SRGAP2B: variants seen among roughly 807,000 people sequenced by gnomAD.
SRGAP2B encodes the protein SLIT-ROBO Rho GTPase-activating protein 2B.
SRGAP2B carries 9 observed loss-of-function variants against 22.2 expected under a neutral mutation model. That is an observed-to-expected ratio of 0.41 (90% CI 0.24 to 0.71). SRGAP2B has a LOEUF of 0.71. Ranked by LOEUF, SRGAP2B falls within the 30% of genes least tolerant of loss-of-function variation. The probability of loss-of-function intolerance (pLI) is 0.35; values close to 1 mark genes in which losing one functional copy is unlikely to be tolerated. For synonymous variants in SRGAP2B, 36 were observed against 87.4 expected (o/e 0.41, Z 3.28); for missense variants, 114 against 235.8 (o/e 0.48, Z 3.38).
At chr1:144,914,100 C>A (rs1429040167) in intron 5 of SRGAP2B, among the ~76,000 whole-genome samples, 1 of 151,188 alleles carries the variant, frequency 6.6e-6, no homozygotes, top group Non-Finnish European at 1.5e-5. Context: ...CATCTCAGAA[C>A]AGATTGTGTT....
At chr1:145,000,070 G>A (rs587670627) in intron 2 of SRGAP2B, among the ~76,000 whole-genome samples, 7 of 143,962 alleles carry the variant, frequency 4.9e-5, no homozygotes, top group Non-Finnish European at 9.1e-5. Flanking sequence ...AAGGAGGAAC[G>A]GATTCTTGGT....
intron 2 of SRGAP2B, among the ~76,000 whole-genome samples, chr1:145,041,075 GTATATATATATATATATATATA>G (rs370443273): frequency 2.6e-5 from 2 of 76,474 alleles, no homozygotes; most frequent in East Asian, 4.1e-4. Flanking sequence ...TATATATATA[GTATATATATATATATATATATA>G]TATATATATA....
At chr1:145,007,802 C>CT (rs880001624) in intron 2 of SRGAP2B, among the ~76,000 whole-genome samples, 4,408 of 101,172 alleles carry the variant, frequency 0.044, 236 homozygotes, top group African/African-American at 0.11. Context: ...ATTTCTTCTT[C>CT]TTTTTTTTTT....
Position 144,965,054 on chromosome 1 carries a change from G to A in SRGAP2B, c.261-9453C>T, listed in dbSNP as rs1231388499. 65 of 1,120,752 alleles carry A rather than the reference G, an allele frequency of 5.8e-5. 1 individual carries two copies. The highest frequency in any genetic ancestry group is 8.0e-5 in the Non-Finnish European group (59 of 736,128). The allele number at this position is 1,120,752 out of a possible 1,614,324, so 69.4% of individuals were successfully genotyped here. ...ATAATCTCAGTGATACCTTGAAGAAGCTGAAGATAACAGCTGTTGACAAGA... is the reference window on the plus strand; with the variant it reads ...ATAATCTCAGTGATACCTTGAAGAAACTGAAGATAACAGCTGTTGACAAGA... On this transcript the variant is annotated intron_variant, in intron 3 of 9. Transcript: ENST00000612199.
chr1:145,007,691 T>C (rs587763873), intron 2 of SRGAP2B, among the ~76,000 whole-genome samples: 1 of 150,900 alleles, frequency 6.6e-6, no homozygotes, highest in East Asian at 1.9e-4. Flanking sequence ...TTCTGTAAAA[T>C]TTTGTTAATA....
intron 2 of SRGAP2B, among the ~76,000 whole-genome samples, chr1:145,068,827 T>A (rs2102435152): frequency 6.7e-6 from 1 of 148,240 alleles, no homozygotes; most frequent in Non-Finnish European, 1.5e-5. Context: ...ATAAATCAGC[T>A]ATTTAAAATA....
At chr1:144,963,360 AC>A (rs1667817838) in intron 3 of SRGAP2B, among the ~76,000 whole-genome samples, 1 of 136,242 alleles carries the variant, frequency 7.3e-6, no homozygotes, top group Non-Finnish European at 1.5e-5. Context: ...AAACTAAAAC[AC>A]CATAGCAAGG....
intron 5 of SRGAP2B, among the ~76,000 whole-genome samples, chr1:144,911,445 C>G (rs1333512556): frequency 1.3e-5 from 2 of 149,968 alleles, no homozygotes; most frequent in Non-Finnish European, 2.9e-5. Flanking sequence ...CCAATTAACC[C>G]TTTTTAACCT....
chr1:144,966,528 T>C (rs1466669841), intron 3 of SRGAP2B, among the ~76,000 whole-genome samples: 2 of 146,990 alleles, frequency 1.4e-5, no homozygotes, highest in Non-Finnish European at 2.9e-5. Flanking sequence ...TACCAGCCAC[T>C]GCAAAAACAT....
intron 2 of SRGAP2B, among the ~76,000 whole-genome samples, chr1:145,002,570 A>G (rs1671269430): frequency 6.8e-6 from 1 of 146,072 alleles, no homozygotes; most frequent in Non-Finnish European, 1.5e-5. Flanking sequence ...AATAAATAAA[A>G]TAAAAGATAT....
chr1:144,957,851 G>A (rs1271033383), intron 3 of SRGAP2B, among the ~76,000 whole-genome samples: 2 of 147,142 alleles, frequency 1.4e-5, no homozygotes, highest in African/African-American at 2.6e-5. Flanking sequence ...CATGTCCTCA[G>A]TAAGCATGCT....
At chr1:145,016,898 G>A (rs1327778074) in intron 2 of SRGAP2B, among the ~76,000 whole-genome samples, 1 of 148,666 alleles carries the variant, frequency 6.7e-6, no homozygotes, top group East Asian at 2.0e-4. Context: ...GCCCAGGCTG[G>A]AGTGCAGTGG....
chr1:144,932,570 G>C (rs1294094031), intron 4 of SRGAP2B, among the ~76,000 whole-genome samples: 1 of 147,562 alleles, frequency 6.8e-6, no homozygotes, highest in African/African-American at 2.6e-5. Flanking sequence ...TAGCTCTGTG[G>C]TATGTTTTTA....
chr1:144,898,551 T>C (rs1226024706), intron 7 of SRGAP2B, among the ~76,000 whole-genome samples: 1 of 149,668 alleles, frequency 6.7e-6, no homozygotes, highest in East Asian at 1.9e-4. Flanking sequence ...GAGGTCCGGG[T>C]CCTAAGAAGA....
At chr1:144,974,861 AGATGCT>A (rs372772776) in intron 3 of SRGAP2B, among the ~76,000 whole-genome samples, 1,612 of 148,518 alleles carry the variant, frequency 0.011, 47 homozygotes, top group Non-Finnish European at 0.015. Context: ...ACAGCTGAGC[AGATGCT>A]GATGCTGATG....
At chr1:144,994,882 G>T (rs1670550007) in intron 3 of SRGAP2B, 126 bp downstream of exon 3, 2 of 590,290 alleles carry the variant, frequency 3.4e-6, no homozygotes, top group Non-Finnish European at 5.6e-6. Flanking sequence ...AGTCCTTGAG[G>T]GCTTTCAACC....
chr1:144,983,089 T>C (rs2474140), intron 3 of SRGAP2B, among the ~76,000 whole-genome samples: 1,608 of 140,828 alleles, frequency 0.011, 48 homozygotes, highest in African/African-American at 0.047. Flanking sequence ...GAGTGAGTGA[T>C]GCACTGGTCC....
chr1:144,966,016 T>C (rs1399219368), intron 3 of SRGAP2B, among the ~76,000 whole-genome samples: 1 of 150,710 alleles, frequency 6.6e-6, no homozygotes, highest in Admixed American at 6.6e-5. Flanking sequence ...TACGTCTGAT[T>C]GGTGTACCTG....
At chr1:144,962,247 TG>T (rs1184597695) in intron 3 of SRGAP2B, among the ~76,000 whole-genome samples, 2 of 72,854 alleles carry the variant, frequency 2.7e-5, no homozygotes, top group East Asian at 6.4e-4. Context: ...ATTCAAGCAG[TG>T]GTAGACCCAC....
Sources: gnomAD v4.1 joint callset for allele counts (sites outside exome capture counted in the v4.1 genomes callset) on GRCh38, gnomAD v4.1.1 for gene constraint, MANE v1.5 for transcripts, NCBI Gene and HGNC (gene_info 2026-07-23, HGNC 2026-07-21) for gene names.